PKNOX2: variants seen among roughly 807,000 people sequenced by gnomAD.
The protein encoded by PKNOX2 is PBX/knotted 1 homeobox 2.
PKNOX2 carries 14 observed loss-of-function variants against 53.1 expected under a neutral mutation model. The observed-to-expected ratio is 0.26, with a 90% CI of 0.17 to 0.41. The LOEUF (loss-of-function observed/expected upper bound fraction) is 0.41. Ranked by LOEUF, PKNOX2 falls within the 10% of genes least tolerant of loss-of-function variation. PKNOX2 has a pLI of 1.00. For synonymous variants in PKNOX2, 257 were observed against 242.8 expected (o/e 1.06, Z -0.54); for missense variants, 496 against 602.8 (o/e 0.82, Z 1.85).
chr11:125,339,575 G>A (rs1247576972), intron 3 of PKNOX2, among the ~76,000 whole-genome samples: 1 of 152,120 alleles, frequency 6.6e-6, no homozygotes, highest in Non-Finnish European at 1.5e-5. Context: ...AGTGGAGACC[G>A]TCACAGAGAG....
chr11:125,403,869 G>C (rs961674093), intron 7 of PKNOX2, among the ~76,000 whole-genome samples: 1 of 152,218 alleles, frequency 6.6e-6, no homozygotes, highest in African/African-American at 2.4e-5. Context: ...TGAGATGCTA[G>C]GCCCAGCTGC....
At chr11:125,390,554 G>A (rs897201321) in intron 6 of PKNOX2, among the ~76,000 whole-genome samples, 2 of 152,232 alleles carry the variant, frequency 1.3e-5, no homozygotes, top group Non-Finnish European at 2.9e-5. Context: ...CTCACCGTAG[G>A]TGGAAGACCC....
At chr11:125,296,051 G>T (rs1324805602) in intron 2 of PKNOX2, among the ~76,000 whole-genome samples, 1 of 151,978 alleles carries the variant, frequency 6.6e-6, no homozygotes, top group African/African-American at 2.4e-5. Context: ...TCCACCCCTG[G>T]TGTCTTCAGA....
intron 6 of PKNOX2, among the ~76,000 whole-genome samples, chr11:125,394,889 C>A (rs563187806): frequency 5.4e-4 from 82 of 152,264 alleles, no homozygotes; most frequent in South Asian, 1.7e-3. Flanking sequence ...TCTTGTATAA[C>A]CATAGCACAA....
At chr11:125,414,335 C>G (rs923495294) in intron 10 of PKNOX2, among the ~76,000 whole-genome samples, 2 of 152,230 alleles carry the variant, frequency 1.3e-5, no homozygotes, top group African/African-American at 4.8e-5. Context: ...GTTGCCCTCT[C>G]CAGCCTGGCA....
intron 1 of PKNOX2, among the ~76,000 whole-genome samples, chr11:125,230,771 T>C (rs1021378917): frequency 2.0e-5 from 3 of 152,192 alleles, no homozygotes; most frequent in African/African-American, 4.8e-5. Context: ...AAGTTATTAA[T>C]ATGTCCTAGG....
chr11:125,254,171 A>G (rs1399962369), intron 2 of PKNOX2, among the ~76,000 whole-genome samples: 1 of 152,168 alleles, frequency 6.6e-6, no homozygotes, highest in Non-Finnish European at 1.5e-5. Context: ...AAAATTTAGC[A>G]CCAGGGCAAT....
intron 1 of PKNOX2, among the ~76,000 whole-genome samples, chr11:125,199,606 G>T (rs1938197370): frequency 6.6e-6 from 1 of 152,186 alleles, no homozygotes; most frequent in Non-Finnish European, 1.5e-5. Flanking sequence ...TACTTTGGGA[G>T]GCCAAGGCCG....
chr11:125,231,718 TGG>T (rs1432042594), intron 1 of PKNOX2, among the ~76,000 whole-genome samples: 2 of 151,552 alleles, frequency 1.3e-5, no homozygotes, highest in African/African-American at 2.4e-5. Flanking sequence ...CAGGTGTGTG[TGG>T]GGGGTGTGTG....
chr11:125,221,955 AAC>A (rs1243825765), intron 1 of PKNOX2, among the ~76,000 whole-genome samples: 1 of 152,228 alleles, frequency 6.6e-6, no homozygotes, highest in Non-Finnish European at 1.5e-5. Context: ...GCAGAGACCT[AAC>A]ACAGTTGGGA....
intron 2 of PKNOX2, among the ~76,000 whole-genome samples, chr11:125,321,995 A>G (rs1300728672): frequency 6.6e-6 from 1 of 152,168 alleles, no homozygotes; most frequent in Non-Finnish European, 1.5e-5. Context: ...GAGCCCTCAT[A>G]AATTAATCAC....
chr11:125,389,296 G>A (rs896917314), intron 6 of PKNOX2, among the ~76,000 whole-genome samples: 4 of 152,144 alleles, frequency 2.6e-5, no homozygotes, highest in African/African-American at 9.7e-5. Flanking sequence ...GACTTGCCAG[G>A]ACCAGAACCC....
At chr11:125,382,987 T>C (rs2135360273) in intron 5 of PKNOX2, among the ~76,000 whole-genome samples, 1 of 152,170 alleles carries the variant, frequency 6.6e-6, no homozygotes, top group Admixed American at 6.5e-5. Flanking sequence ...CCCAGCAGTT[T>C]AGGCATCGGC....
intron 1 of PKNOX2, among the ~76,000 whole-genome samples, chr11:125,222,668 G>GTGC (rs1249409896): frequency 4.8e-5 from 7 of 146,078 alleles, no homozygotes; most frequent in Admixed American, 6.7e-5. Context: ...GTGTATGTGT[G>GTGC]TGTGTATGTG....
intron 4 of PKNOX2, among the ~76,000 whole-genome samples, chr11:125,355,277 G>GAAAAAAAAAAAAAAAAAAAAA (rs61437536): frequency 9.2e-6 from 1 of 109,196 alleles, no homozygotes. Context: ...AAAAAAAAAA[G>GAAAAAAAAAAAAAAAAAAAAA]AAAAAAAAAA....
At chr11:125,249,062 ATAT>A in intron 2 of PKNOX2, among the ~76,000 whole-genome samples, 1 of 147,226 alleles carries the variant, frequency 6.8e-6, no homozygotes, top group East Asian at 2.0e-4. Context: ...TATATAATAT[ATAT>A]AACACATATA....
intron 3 of PKNOX2, among the ~76,000 whole-genome samples, chr11:125,343,014 C>A (rs1027516075): frequency 1.3e-5 from 2 of 152,014 alleles, no homozygotes; most frequent in African/African-American, 4.8e-5. Flanking sequence ...GGGCAGAATC[C>A]GCTCTCTAGG....
chr11:125,224,398 G>A (rs1015608045), intron 1 of PKNOX2, among the ~76,000 whole-genome samples: 5 of 152,190 alleles, frequency 3.3e-5, no homozygotes, highest in Non-Finnish European at 5.9e-5. Context: ...GGAGCCCCTC[G>A]GAGGAGCCAT....
rs1943065680 is a variant in PKNOX2, at chr11:125,240,481, GAA to G, written c.-130+5367_-130+5368del. ...AAGGAGGGATGGGAGGGAGGAGAGA[GAA>G]GAGGTGGAAAGGGAGAGAGACCCTT... is the stretch of plus-strand genomic sequence containing the variant. On this transcript the variant is annotated intron_variant, in intron 2 of 12. Transcript: ENST00000298282. This position sits in a 1 kb window ranked among gnomAD's most constrained non-coding sequence, Gnocchi z 4.3. Among the ~76,000 whole-genome samples, 1 of 152,146 alleles carries G rather than the reference GAA, an allele frequency of 6.6e-6. No individual in the cohort carries two copies. The highest frequency in any genetic ancestry group is 2.4e-5 in the African/African-American group (1 of 41,440).
Sources: allele counts gnomAD v4.1 joint callset (sites outside exome capture counted in the v4.1 genomes callset), GRCh38; gene constraint gnomAD v4.1.1; non-coding constraint Gnocchi (gnomAD v3.1); transcripts MANE v1.5; gene names NCBI Gene and HGNC (gene_info 2026-07-23, HGNC 2026-07-21).